The following CFAP119 variants were observed in gnomAD, a reference collection of about 807,000 sequenced individuals.
The protein encoded by CFAP119 is cilia- and flagella-associated protein 119.
chr16:30,761,229 G>T, the CFAP119 span: 1 of 1,613,718 alleles, frequency 6.2e-7, no homozygotes, highest in Non-Finnish European at 8.5e-7. Flanking sequence ...GGCAGCGGCG[G>T]CTGCGGAAAG....
At chr16:30,758,980 G>C in the CFAP119 span, 1 of 1,613,396 alleles carries the variant, frequency 6.2e-7, no homozygotes, top group Non-Finnish European at 8.5e-7. Context: ...TGCTCAGAGG[G>C]ACAGGGCAGC....
At chr16:30,759,952 A>G in the CFAP119 span, 3 of 1,445,228 alleles carry the variant, frequency 2.1e-6, no homozygotes, top group Non-Finnish European at 2.7e-6. Flanking sequence ...CGAAGCTTAT[A>G]TTCTAGGGGA....
the CFAP119 span, chr16:30,758,420 T>C: frequency 6.4e-6 from 1 of 156,360 alleles, no homozygotes; most frequent in African/African-American, 2.4e-5. Context: ...GAGCAGAACA[T>C]GCAGGTTTGC....
At chr16:30,759,278 G>A in the CFAP119 span, 1 of 1,613,914 alleles carries the variant, frequency 6.2e-7, no homozygotes, top group Non-Finnish European at 8.5e-7. Context: ...AGGCTGAAAG[G>A]AGTGCACCTG....
chr16:30,761,039 G>A, the CFAP119 span: 1 of 747,920 alleles, frequency 1.3e-6, no homozygotes, highest in Non-Finnish European at 2.2e-6. Context: ...TCTTTGGACT[G>A]GAGAGGCTGG....
At chr16:30,757,970 G>A in the CFAP119 span, 1 of 402,526 alleles carries the variant, frequency 2.5e-6, no homozygotes, top group Non-Finnish European at 4.0e-6. Flanking sequence ...ATAGGATTGA[G>A]GGAGGATTAA....
chr16:30,761,148 A>G, the CFAP119 span: 1 of 1,599,426 alleles, frequency 6.3e-7, no homozygotes, highest in Non-Finnish European at 8.6e-7. Flanking sequence ...TGTTGGGGAG[A>G]CAATAAAGAA....
At chr16:30,761,577 C>T in the CFAP119 span, 11 of 1,536,044 alleles carry the variant, frequency 7.2e-6, no homozygotes, top group African/African-American at 4.1e-5. Context: ...TCTTCATCCG[C>T]TTTCGCCGCC....
chr16:30,761,050 A>G, the CFAP119 span: 4 of 894,922 alleles, frequency 4.5e-6, no homozygotes, highest in Admixed American at 2.7e-5. Flanking sequence ...GAGAGGCTGG[A>G]AAGCCAACTT....
the CFAP119 span, chr16:30,758,974 CAG>C: frequency 6.2e-7 from 1 of 1,612,678 alleles, no homozygotes; most frequent in South Asian, 1.1e-5. Flanking sequence ...TACACCTGCT[CAG>C]AGGGACAGGG....
At chr16:30,757,531 GC>G in the CFAP119 span, 3 of 1,614,126 alleles carry the variant, frequency 1.9e-6, no homozygotes, top group Non-Finnish European at 1.7e-6. Context: ...CCGCTCTAGT[GC>G]AGTCAACTTG....
At chr16:30,759,581 G>A in the CFAP119 span, 1 of 1,614,122 alleles carries the variant, frequency 6.2e-7, no homozygotes, top group Non-Finnish European at 8.5e-7. Context: ...TAAGGGTGAT[G>A]AATGTGAGAG....
the CFAP119 span, chr16:30,760,601 C>G: frequency 1.3e-6 from 2 of 1,559,064 alleles, no homozygotes; most frequent in Non-Finnish European, 1.7e-6. Context: ...CCCCTCAGTC[C>G]CTACTCCCTC....
At chr16:30,758,977 AGG>A in the CFAP119 span, 3 of 1,612,924 alleles carry the variant, frequency 1.9e-6, no homozygotes, top group Admixed American at 5.0e-5. Context: ...ACCTGCTCAG[AGG>A]GACAGGGCAG....
At chr16:30,760,501 C>A in the CFAP119 span, 5 of 1,612,246 alleles carry the variant, frequency 3.1e-6, no homozygotes, top group Non-Finnish European at 4.2e-6. Flanking sequence ...CCTTTCATCA[C>A]CCTACACCCA....
chr16:30,760,049 A>G, the CFAP119 span: 2 of 1,524,522 alleles, frequency 1.3e-6, no homozygotes, highest in African/African-American at 1.4e-5. Flanking sequence ...ATTGTGCACT[A>G]TGCATATATT....
At chr16:30,761,891 G>T in the CFAP119 span, 1 of 801,082 alleles carries the variant, frequency 1.2e-6, no homozygotes, top group Non-Finnish European at 1.9e-6. Context: ...GCGGCGGGGC[G>T]AATCCGTGGG....
At chr16:30,759,586 T>A in the CFAP119 span, 2 of 1,614,070 alleles carry the variant, frequency 1.2e-6, no homozygotes, top group Non-Finnish European at 1.7e-6. Flanking sequence ...GTGATGAATG[T>A]GAGAGAGACT....
At chr16:30,760,309 G>T in the CFAP119 span, 1 of 1,614,184 alleles carries the variant, frequency 6.2e-7, no homozygotes. Context: ...GAAGATCCTG[G>T]AGCAGGGCAC....
Sources: gnomAD v4.1 joint callset for allele counts on GRCh38, gnomAD v4.1.1 for gene constraint, MANE v1.5 for transcripts, NCBI Gene and HGNC (gene_info 2026-07-23, HGNC 2026-07-21) for gene names.